PTPRG: variants seen among roughly 807,000 people sequenced by gnomAD.
PTPRG encodes the protein protein tyrosine phosphatase receptor type G.
A neutral mutation model predicts 165.3 loss-of-function variants in PTPRG; 102 were observed. That is an observed-to-expected ratio of 0.62 (90% confidence interval 0.53 to 0.73). The LOEUF (loss-of-function observed/expected upper bound fraction) is 0.73, where lower values mean the gene tolerates loss of function less well. Among genes scored for constraint, PTPRG ranks in the 30% least tolerant of loss-of-function variants. The pLI, the probability that PTPRG is intolerant of heterozygous loss-of-function variation, is 0.00. For missense variants in PTPRG, 1,866 were observed against 1,861.4 expected (o/e 1.00, Z -0.05); for synonymous variants, 675 against 669.5 (o/e 1.01, Z -0.13).
chr3:61,887,170 A>ATTTTTTTTTTTT (rs869308871), intron 2 of PTPRG, among the ~76,000 whole-genome samples: 1 of 115,534 alleles, frequency 8.7e-6, no homozygotes, highest in African/African-American at 3.3e-5. Flanking sequence ...ATATATATAT[A>ATTTTTTTTTTTT]TTTTTAATGC....
Position 61,988,592 on chromosome 3 carries a change from T to G in PTPRG, c.191-1033T>G, listed in dbSNP as rs116227352. 4.2e-3 allele frequency among the ~76,000 whole-genome samples: 639 copies of G among 152,352 alleles called. 2 individuals are homozygous for G. The highest frequency in any genetic ancestry group is 0.015 in the African/African-American group (614 of 41,592). ...CCCCACCCATCTACCAGTATTTCTG[T>G]AGATGAATGTATATACACACATTAA... is the stretch of plus-strand genomic sequence containing the variant. On this transcript the variant is annotated intron_variant, in intron 2 of 29. Coordinates refer to ENST00000474889, the MANE Select transcript of PTPRG (RefSeq NM_002841.4).
intron 3 of PTPRG, among the ~76,000 whole-genome samples, chr3:61,998,163 C>G (rs1336820753): frequency 6.6e-6 from 1 of 152,172 alleles, no homozygotes; most frequent in East Asian, 1.9e-4. Flanking sequence ...GCAAAGAATG[C>G]TATGAATGCC....
chr3:62,050,977 A>G (rs980101449), intron 4 of PTPRG, among the ~76,000 whole-genome samples: 1 of 152,184 alleles, frequency 6.6e-6, no homozygotes, highest in African/African-American at 2.4e-5. Flanking sequence ...CCAAGGTTCT[A>G]TAGGAAGCTT....
At chr3:62,071,205 C>A (rs1254389785) in intron 4 of PTPRG, among the ~76,000 whole-genome samples, 1 of 152,138 alleles carries the variant, frequency 6.6e-6, no homozygotes, top group Non-Finnish European at 1.5e-5. Flanking sequence ...ATGCTGTTTC[C>A]TTACTTACTC....
chr3:62,204,259 G>A (rs2106842804), intron 12 of PTPRG, among the ~76,000 whole-genome samples: 1 of 152,320 alleles, frequency 6.6e-6, no homozygotes, highest in South Asian at 2.1e-4. Context: ...ATCTTAAGAA[G>A]TTTATTTATT....
At chr3:61,728,279 G>C (rs143797533) in intron 1 of PTPRG, among the ~76,000 whole-genome samples, 1 of 152,294 alleles carries the variant, frequency 6.6e-6, no homozygotes, top group Non-Finnish European at 1.5e-5. Context: ...GAGGAGTAAA[G>C]TGTTAAAATA....
At chr3:61,615,693 T>C (rs1701279574) in intron 1 of PTPRG, among the ~76,000 whole-genome samples, 1 of 152,244 alleles carries the variant, frequency 6.6e-6, no homozygotes, top group Non-Finnish European at 1.5e-5. Flanking sequence ...ATTTTTATTT[T>C]ATTTGGGTTA....
chr3:61,752,788 A>AC (rs2033484928), intron 2 of PTPRG, among the ~76,000 whole-genome samples: 4 of 100,746 alleles, frequency 4.0e-5, no homozygotes, highest in Middle Eastern at 8.7e-3. Flanking sequence ...ACTGTCTCAA[A>AC]AAAAAAAAAA....
rs77095099 is a variant in PTPRG at position 61,879,860 on chromosome 3, C to T, written c.191-109765C>T. Among the ~76,000 whole-genome samples the T allele has an allele frequency of 8.6e-3, 1,303 of 152,262 alleles. 16 individuals carry two copies. The highest frequency in any genetic ancestry group is 0.029 in the African/African-American group (1,207 of 41,554). On this transcript the variant is annotated intron_variant, in intron 2 of 29. Coordinates refer to ENST00000474889, the MANE Select transcript of PTPRG (RefSeq NM_002841.4). ...GTATATTTTTATCCTAGCTCAGCTC[C>T]GTATGGTGCTTTGTATAAGCCTTTA...
At position 61,817,046 on chromosome 3, in the gene PTPRG, A is replaced by G. The variant is rs552761507; in HGVS notation, c.190+68064A>G. 2.1e-3 allele frequency among the ~76,000 whole-genome samples: 281 copies of G among 132,258 alleles called. 2 individuals are homozygous for G. The East Asian group carries it at 0.048, about 22-fold the overall frequency. 86.8% of individuals were successfully genotyped at this position (132,258 alleles called of 152,430 possible). A position where few individuals can be genotyped will look rare whatever the true frequency, so the allele number is the denominator to read the frequency against. On this transcript the variant is annotated intron_variant, in intron 2 of 29. Transcript: ENST00000474889. ...TATAATATATAGTATATAATATATA[A>G]TATTATATATAATATATAATACATA...
At chr3:61,658,732 T>C (rs74692473) in intron 1 of PTPRG, among the ~76,000 whole-genome samples, 148 of 152,270 alleles carry the variant, frequency 9.7e-4, no homozygotes, top group African/African-American at 3.5e-3. Context: ...CAGCACCTAC[T>C]AGGTGAAGTA....
chr3:61,890,368 T>G (rs6445241), intron 2 of PTPRG, among the ~76,000 whole-genome samples: 23,306 of 150,216 alleles, frequency 0.16, 3,855 homozygotes, highest in African/African-American at 0.42. Flanking sequence ...AAGGCGATGG[T>G]CAGTGGAAGT....
intron 4 of PTPRG, among the ~76,000 whole-genome samples, chr3:62,068,540 A>G (rs993257005): frequency 1.3e-5 from 2 of 152,164 alleles, no homozygotes; most frequent in Non-Finnish European, 2.9e-5. Flanking sequence ...CAGTGATGCA[A>G]TCACAGCTCA....
In PTPRG at chr3:62,295,753, C is replaced by T. The variant is rs1703040720; in HGVS notation, c.*2446C>T. 1 of 152,076 alleles carries T rather than the reference C, an allele frequency of 6.6e-6. No homozygotes were observed. The highest frequency in any genetic ancestry group is 1.5e-5 in the Non-Finnish European group (1 of 67,998). 9.4% of individuals were successfully genotyped at this position (152,076 alleles called of 1,614,324 possible). On this transcript the variant is annotated 3_prime_UTR_variant, in exon 30 of 30. Transcript: ENST00000474889. The stretch of plus-strand genomic sequence containing the variant: ...TACTTGCCCATCTTGCCAAAGTAGT[C>T]CAAACACACTTCAATGAGGACAGTT...
At chr3:61,988,404 G>C (rs1032050750) in intron 2 of PTPRG, among the ~76,000 whole-genome samples, 1 of 152,140 alleles carries the variant, frequency 6.6e-6, no homozygotes, top group Admixed American at 6.5e-5. Flanking sequence ...CATGGCAAAT[G>C]ATTGGGTGGC....
chr3:62,010,858 G>A (rs1253382590), intron 4 of PTPRG, among the ~76,000 whole-genome samples: 1 of 152,052 alleles, frequency 6.6e-6, no homozygotes, highest in Non-Finnish European at 1.5e-5. Flanking sequence ...TCAGTTCCTG[G>A]AATTATTACA....
chr3:62,110,378 G>A (rs952032), intron 5 of PTPRG, among the ~76,000 whole-genome samples: 18,436 of 151,802 alleles, frequency 0.12, 1,191 homozygotes, highest in African/African-American at 0.15. Context: ...TGATTACATC[G>A]GACGTTCCAT....
At chr3:61,649,338 T>C (rs866451996) in intron 1 of PTPRG, among the ~76,000 whole-genome samples, 2 of 152,244 alleles carry the variant, frequency 1.3e-5, no homozygotes, top group Middle Eastern at 6.8e-3. Flanking sequence ...TTATAAACAA[T>C]ATAAATTTAT....
intron 2 of PTPRG, among the ~76,000 whole-genome samples, chr3:61,841,656 A>G (rs1177959867): frequency 6.6e-6 from 1 of 151,962 alleles, no homozygotes; most frequent in Non-Finnish European, 1.5e-5. Flanking sequence ...AAGAACAGTC[A>G]TGTGCTTCTG....
Sources: gnomAD v4.1 joint callset for allele counts (sites outside exome capture counted in the v4.1 genomes callset) on GRCh38, gnomAD v4.1.1 for gene constraint, MANE v1.5 for transcripts, NCBI Gene and HGNC (gene_info 2026-07-23, HGNC 2026-07-21) for gene names.